PCNX1: variants seen among roughly 807,000 people sequenced by gnomAD.
PCNX1 encodes pecanex 1.
Under a neutral mutation model 242.2 loss-of-function variants are expected in PCNX1, and 78 were observed. That is an observed-to-expected ratio of 0.32 (90% CI 0.27 to 0.39). The LOEUF is 0.39. Ranked by LOEUF, PCNX1 falls within the 10% of genes least tolerant of loss-of-function variation. The probability of loss-of-function intolerance (pLI) is 1.00; values close to 1 mark genes in which losing one functional copy is unlikely to be tolerated. For missense variants in PCNX1, 2,581 were observed against 2,856.5 expected (o/e 0.90, Z 2.20); for synonymous variants, 1,024 against 1,032.9 (o/e 0.99, Z 0.17).
At chr14:71,040,295 T>C (rs2141029707) in intron 19 of PCNX1, among the ~76,000 whole-genome samples, 1 of 152,338 alleles carries the variant, frequency 6.6e-6, no homozygotes, top group Non-Finnish European at 1.5e-5. Flanking sequence ...TACATGAAGA[T>C]GTTGCTCCAC....
chr14:70,921,263 A>G (rs35614357), intron 1 of PCNX1, among the ~76,000 whole-genome samples: 11,905 of 152,194 alleles, frequency 0.078, 556 homozygotes, highest in East Asian at 0.28. Context: ...ACAGACCCTC[A>G]TGACCCTCAT....
chr14:71,104,176 C>T (rs1470436669), intron 32 of PCNX1, among the ~76,000 whole-genome samples: 2 of 152,280 alleles, frequency 1.3e-5, no homozygotes, highest in East Asian at 1.9e-4. Context: ...CAAATATTCA[C>T]ATGATTTTTT....
At chr14:71,018,286 A>G (rs986889897) in intron 11 of PCNX1, among the ~76,000 whole-genome samples, 12 of 152,112 alleles carry the variant, frequency 7.9e-5, no homozygotes, top group Admixed American at 4.6e-4. Flanking sequence ...AAATTTTCCC[A>G]AGAAGTAATG....
chr14:71,017,192 C>G (rs573411697), intron 11 of PCNX1, among the ~76,000 whole-genome samples: 1 of 152,264 alleles, frequency 6.6e-6, no homozygotes, highest in South Asian at 2.1e-4. Flanking sequence ...ACTACATGAC[C>G]TTAATTGTCT....
intron 28 of PCNX1, among the ~76,000 whole-genome samples, chr14:71,079,633 A>T (rs1235101103): frequency 6.6e-6 from 1 of 152,172 alleles, no homozygotes; most frequent in East Asian, 1.9e-4. Context: ...ATGACCATTG[A>T]TGATGAACTT....
At chr14:71,105,018 A>G (rs1420486414) in intron 32 of PCNX1, among the ~76,000 whole-genome samples, 4 of 152,254 alleles carry the variant, frequency 2.6e-5, no homozygotes, top group Non-Finnish European at 5.9e-5. Flanking sequence ...AATAGAGCAT[A>G]TGAAAGATTT....
chr14:70,928,866 C>T (rs1253595062), intron 1 of PCNX1, among the ~76,000 whole-genome samples: 2 of 152,150 alleles, frequency 1.3e-5, no homozygotes, highest in East Asian at 3.9e-4. Flanking sequence ...TTATAATTCT[C>T]AGACATAGCA....
At chr14:70,966,153 G>A (rs986270096) in intron 3 of PCNX1, among the ~76,000 whole-genome samples, 1 of 152,140 alleles carries the variant, frequency 6.6e-6, no homozygotes, top group Non-Finnish European at 1.5e-5. Flanking sequence ...TGTTTCACTT[G>A]TAAATAGTCA....
At chr14:70,919,143 A>G (rs546936415) in intron 1 of PCNX1, among the ~76,000 whole-genome samples, 1 of 152,236 alleles carries the variant, frequency 6.6e-6, no homozygotes, top group African/African-American at 2.4e-5. Context: ...CTCAGCCTCC[A>G]GAGTCACTGG....
intron 1 of PCNX1, among the ~76,000 whole-genome samples, chr14:70,910,229 T>TCCTCCTCCTCCTCCTTCTCCTC (rs1375541677): frequency 1.4e-5 from 1 of 69,488 alleles, no homozygotes; most frequent in Non-Finnish European, 3.2e-5. Context: ...CTCCTCCTCC[T>TCCTCCTCCTCCTCCTTCTCCTC]CTCACCAGCA....
At chr14:71,099,160 T>TA (rs1356309484) in intron 30 of PCNX1, among the ~76,000 whole-genome samples, 1 of 43,826 alleles carries the variant, frequency 2.3e-5, no homozygotes, top group Non-Finnish European at 5.7e-5. Flanking sequence ...ATTATTTTGA[T>TA]TTTTTTTTTT....
At chr14:70,929,779 G>T (rs1780010060) in intron 1 of PCNX1, among the ~76,000 whole-genome samples, 1 of 152,158 alleles carries the variant, frequency 6.6e-6, no homozygotes, top group African/African-American at 2.4e-5. Flanking sequence ...CCTGTGTTAG[G>T]TAACTCATAA....
chr14:71,035,654 C>T (rs1255050176), intron 18 of PCNX1, among the ~76,000 whole-genome samples: 3 of 148,414 alleles, frequency 2.0e-5, no homozygotes, highest in African/African-American at 7.4e-5. Context: ...ACCTGTAATC[C>T]CAGCACTTTG....
chr14:71,081,012 A>C (rs1175680895), intron 28 of PCNX1, among the ~76,000 whole-genome samples: 3 of 151,386 alleles, frequency 2.0e-5, no homozygotes, highest in Middle Eastern at 6.8e-3. Context: ...GGTTTGTCAT[A>C]AATAGCTCTT....
chr14:71,012,929 CAT>C (rs1441775224), intron 10 of PCNX1, 54 bp from the exon 11 acceptor site: 10 of 1,065,144 alleles, frequency 9.4e-6, no homozygotes, highest in Non-Finnish European at 1.4e-5. Context: ...TTTGAATAAA[CAT>C]ATTAAATAAA....
At position 71,012,758 on chromosome 14, in the gene PCNX1, G is replaced by C. The variant is rs191245806; in HGVS notation, c.2779-227G>C. On this transcript the variant is annotated intron_variant, in intron 10 of 35. Transcript: ENST00000304743. ...TGAGGCAGAGAATTGCTTGAACCGG[G>C]GAGGCAGAGGTTGCAGTGAGCCGAG... 78 of 442,020 alleles carry C rather than the reference G, an allele frequency of 1.8e-4. No individual in the cohort carries two copies. The East Asian group carries it at 3.7e-3, about 21-fold the overall frequency. 27.4% of individuals were successfully genotyped at this position (442,020 alleles called of 1,614,324 possible). A position where few individuals can be genotyped will look rare whatever the true frequency, so the allele number is the denominator to read the frequency against.
intron 1 of PCNX1, among the ~76,000 whole-genome samples, chr14:70,945,293 A>C (rs910543276): frequency 2.0e-5 from 3 of 152,152 alleles, no homozygotes; most frequent in African/African-American, 7.2e-5. Context: ...CAGGTACTCA[A>C]CTCTTCCAAA....
intron 1 of PCNX1, among the ~76,000 whole-genome samples, chr14:70,923,069 CTT>C (rs1322363023): frequency 6.6e-6 from 1 of 150,470 alleles, no homozygotes; most frequent in Non-Finnish European, 1.5e-5. Context: ...ATCATGAATT[CTT>C]TGAGTATCTT....
intron 27 of PCNX1, 27 bp from the exon 28 acceptor site, chr14:71,076,162 C>CTTTTTTTTTTTTTTTTT: frequency 2.6e-6 from 3 of 1,167,474 alleles, no homozygotes; most frequent in East Asian, 2.7e-5. Flanking sequence ...AATCTGAATT[C>CTTTTTTTTTTTTTTTTT]TTTTTTTTTT....
Sources: gnomAD v4.1 joint callset for allele counts (sites outside exome capture counted in the v4.1 genomes callset) on GRCh38, gnomAD v4.1.1 for gene constraint, MANE v1.5 for transcripts, NCBI Gene and HGNC (gene_info 2026-07-23, HGNC 2026-07-21) for gene names.